The following GALNT18 variants were observed in gnomAD, a reference collection of about 807,000 sequenced individuals.
GALNT18 encodes the protein polypeptide N-acetylgalactosaminyltransferase 18.
In GALNT18, 44 loss-of-function variants were observed where a neutral mutation model predicts 69.5. The ratio of observed to expected loss-of-function variants is 0.63; its 90% CI spans 0.50 to 0.81. The LOEUF (loss-of-function observed/expected upper bound fraction) is 0.81, where lower values mean the gene tolerates loss of function less well. GALNT18 is among the 40% of genes least tolerant of loss of function. The probability of loss-of-function intolerance (pLI) is 0.00; values close to 1 mark genes in which losing one functional copy is unlikely to be tolerated. For missense variants in GALNT18, 715 were observed against 810.0 expected, an observed-to-expected ratio of 0.88 and a Z score of 1.42; for synonymous variants, 364 against 318.2, an observed-to-expected ratio of 1.14 and a Z score of -1.53.
chr11:11,285,416 C>A (rs1386997622), intron 10 of GALNT18, among the ~76,000 whole-genome samples: 2 of 152,104 alleles, frequency 1.3e-5, no homozygotes, highest in Non-Finnish European at 1.5e-5. Context: ...TAGTAAACAC[C>A]ATATAAATGT....
chr11:11,518,487 G>A (rs922299768), intron 1 of GALNT18, among the ~76,000 whole-genome samples: 1 of 152,190 alleles, frequency 6.6e-6, no homozygotes, highest in African/African-American at 2.4e-5. Flanking sequence ...CTTCCTAGTA[G>A]AGATGATGTA....
chr11:11,438,651 GT>G (rs1855464209), intron 2 of GALNT18, among the ~76,000 whole-genome samples: 1 of 152,152 alleles, frequency 6.6e-6, no homozygotes, highest in Non-Finnish European at 1.5e-5. Context: ...CTGAATGATG[GT>G]TTCTATATCT....
intron 2 of GALNT18, among the ~76,000 whole-genome samples, chr11:11,438,808 T>C (rs189349406): frequency 7.6e-6 from 1 of 131,390 alleles, no homozygotes; most frequent in East Asian, 2.1e-4. Flanking sequence ...CTGTATTCTG[T>C]CTAGCAGGAC....
chr11:11,299,915 A>G (rs1386216589), intron 9 of GALNT18, among the ~76,000 whole-genome samples: 3 of 152,240 alleles, frequency 2.0e-5, no homozygotes, highest in Non-Finnish European at 4.4e-5. Context: ...TCAATCATCC[A>G]ATCCCCTCTT....
chr11:11,489,656 G>A (rs1056482396), intron 1 of GALNT18, among the ~76,000 whole-genome samples: 3 of 152,184 alleles, frequency 2.0e-5, no homozygotes, highest in African/African-American at 7.2e-5. Flanking sequence ...TAATTTCTCT[G>A]TGCTTAGACT....
chr11:11,322,916 T>C (rs1487647809), intron 9 of GALNT18, among the ~76,000 whole-genome samples: 4 of 152,192 alleles, frequency 2.6e-5, no homozygotes, highest in Admixed American at 6.5e-5. Flanking sequence ...GTGTCTTTCA[T>C]GGCAGAGAGA....
chr11:11,499,391 C>A (rs1856929247), intron 1 of GALNT18, among the ~76,000 whole-genome samples: 1 of 151,550 alleles, frequency 6.6e-6, no homozygotes, highest in South Asian at 2.1e-4. Context: ...TCTGTTCTGG[C>A]CTTCCCCACT....
chr11:11,295,943 A>G (rs4334005), intron 9 of GALNT18, among the ~76,000 whole-genome samples: 61,641 of 151,908 alleles, frequency 0.41, 12,849 homozygotes, highest in African/African-American at 0.5. Context: ...CAGAATCCTG[A>G]GACTGTCCAT....
At chr11:11,393,797 T>C (rs1047245933) in intron 3 of GALNT18, among the ~76,000 whole-genome samples, 1 of 152,276 alleles carries the variant, frequency 6.6e-6, no homozygotes, top group Non-Finnish European at 1.5e-5. Flanking sequence ...GATCCCTCTA[T>C]TTCAGGAACA....
At chr11:11,447,217 C>T (rs1176169717) in intron 2 of GALNT18, among the ~76,000 whole-genome samples, 2 of 152,200 alleles carry the variant, frequency 1.3e-5, no homozygotes, top group African/African-American at 2.4e-5. Context: ...GTACTCCCCC[C>T]ATCCTCCAAC....
intron 6 of GALNT18, among the ~76,000 whole-genome samples, chr11:11,365,271 T>A (rs1439318836): frequency 6.6e-6 from 1 of 152,168 alleles, no homozygotes; most frequent in Non-Finnish European, 1.5e-5. Context: ...CCTGTGTTAG[T>A]TTGCTGAGGA....
chr11:11,358,068 C>T lies in GALNT18; in HGVS notation c.1092+14447G>A, dbSNP rs192320831. On this transcript the variant is annotated intron_variant, in intron 6 of 10. Coordinates refer to ENST00000227756, the MANE Select transcript of GALNT18 (RefSeq NM_198516.3). Reference sequence around the variant, plus strand: ...CTCTGAGACTGTGGGATCACACTGTCCCTGCCTCCATCTCCTATGCCCATG... The same window carrying T: ...CTCTGAGACTGTGGGATCACACTGTTCCTGCCTCCATCTCCTATGCCCATG... 1.1e-4 allele frequency among the ~76,000 whole-genome samples: 16 copies of T among 142,834 alleles called. No homozygotes were observed. In the East Asian group the frequency reaches 3.1e-3, roughly 28 times the overall value. 93.7% of individuals were successfully genotyped at this position (142,834 alleles called of 152,430 possible). A position where few individuals can be genotyped will look rare whatever the true frequency, so the allele number is the denominator to read the frequency against.
At chr11:11,559,858 T>TGG (rs377239734) in intron 1 of GALNT18, among the ~76,000 whole-genome samples, 3 of 19,944 alleles carry the variant, frequency 1.5e-4, no homozygotes, top group Non-Finnish European at 3.7e-4. Context: ...TGAAATAGAA[T>TGG]GATATGATGG....
At chr11:11,327,204 C>G in intron 8 of GALNT18, 23 bp from the exon 9 acceptor site, 3 of 1,520,372 alleles carry the variant, frequency 2.0e-6, no homozygotes, top group Non-Finnish European at 2.7e-6. Flanking sequence ...GAACAGATGG[C>G]CACACCAAAG....
chr11:11,329,632 T>C (rs1049338242), intron 8 of GALNT18, among the ~76,000 whole-genome samples: 2 of 152,244 alleles, frequency 1.3e-5, no homozygotes, highest in Non-Finnish European at 1.5e-5. Context: ...GCAGGTTGCA[T>C]TCTTGTTCCT....
At chr11:11,354,003 G>A (rs938959651) in intron 6 of GALNT18, among the ~76,000 whole-genome samples, 2 of 152,134 alleles carry the variant, frequency 1.3e-5, no homozygotes, top group African/African-American at 4.8e-5. Flanking sequence ...ATACAAATGA[G>A]GCTGAGATGC....
At chr11:11,579,274 G>C (rs1274758724) in intron 1 of GALNT18, among the ~76,000 whole-genome samples, 1 of 152,202 alleles carries the variant, frequency 6.6e-6, no homozygotes, top group African/African-American at 2.4e-5. Context: ...CTGGATCTAG[G>C]GAGCCCTGAG....
rs997717672 is a variant in GALNT18 at position 11,389,015 on chromosome 11, C to T, written c.596-9751G>A. On this transcript the variant is annotated intron_variant, in intron 3 of 10. Coordinates refer to ENST00000227756, the MANE Select transcript of GALNT18 (RefSeq NM_198516.3). This position sits in a 1 kb window ranked among gnomAD's most constrained non-coding sequence, Gnocchi z 4.3. Reference sequence around the variant, plus strand: ...GTTCCATAGATGAGGAAACACAGCCCAGAGAGGCTAAAGGATTTGCCCAGT... The same window carrying T: ...GTTCCATAGATGAGGAAACACAGCCTAGAGAGGCTAAAGGATTTGCCCAGT... 5.9e-5 allele frequency among the ~76,000 whole-genome samples: 9 copies of T among 152,174 alleles called. No individual in the cohort carries two copies. The highest frequency in any genetic ancestry group is 2.2e-4 in the African/African-American group (9 of 41,442).
chr11:11,526,446 T>C (rs1857527272), intron 1 of GALNT18, among the ~76,000 whole-genome samples: 1 of 152,236 alleles, frequency 6.6e-6, no homozygotes, highest in African/African-American at 2.4e-5. Context: ...TTTCATTGTC[T>C]TTCTGCTATA....
Sources: gnomAD v4.1 joint callset for allele counts (sites outside exome capture counted in the v4.1 genomes callset) on GRCh38, gnomAD v4.1.1 for gene constraint, Gnocchi (gnomAD v3.1) non-coding constraint, MANE v1.5 for transcripts, NCBI Gene and HGNC (gene_info 2026-07-23, HGNC 2026-07-21) for gene names.